Variants in VPS50 observed in about 807,000 individuals in gnomAD.
The protein encoded by VPS50 is syndetin.
VPS50 carries 70 observed loss-of-function variants against 139.7 expected under a neutral mutation model. The ratio of observed to expected loss-of-function variants is 0.50; its 90% CI spans 0.41 to 0.61. The LOEUF is 0.61. VPS50 is among the 20% of genes least tolerant of loss of function. The pLI is 0.00. For missense variants in VPS50, 921 were observed against 1,133.7 expected, an observed-to-expected ratio of 0.81 and a Z score of 2.69; for synonymous variants, 365 against 376.7, an observed-to-expected ratio of 0.97 and a Z score of 0.36.
In VPS50 at chr7:93,237,208, G is replaced by A. The variant is rs548693917; in HGVS notation, c.34-2658G>A. Among the ~76,000 whole-genome samples the A allele has an allele frequency of 9.4e-4, 142 of 150,318 alleles. 1 individual carries two copies. Among genetic ancestry groups the A allele is most frequent in the African/African-American group, 3.3e-3 (137 of 40,896 alleles). ...CCTGACCTCGTGATCCGCCCGCCTC[G>A]GCCTCCCAAAGTGCTGGGATTACAG... is the stretch of plus-strand genomic sequence containing the variant. On this transcript the variant is annotated intron_variant, in intron 1 of 27. Coordinates refer to ENST00000305866, the MANE Select transcript of VPS50 (RefSeq NM_017667.4).
At chr7:93,353,807 G>T (rs1798623898) in intron 26 of VPS50, 46 bp downstream of exon 26, 3 of 1,408,322 alleles carry the variant, frequency 2.1e-6, no homozygotes, top group Non-Finnish European at 3.0e-6. Context: ...ATGACAAATT[G>T]TAATATATGA....
chr7:93,269,190 T>C (rs1203449232), intron 9 of VPS50, among the ~76,000 whole-genome samples: 1 of 152,106 alleles, frequency 6.6e-6, no homozygotes, highest in East Asian at 1.9e-4. Context: ...AGCTATCCTT[T>C]TGGGGGAATT....
At chr7:93,303,642 A>G (rs892942997) in intron 17 of VPS50, 92 bp downstream of exon 17, 53 of 550,950 alleles carry the variant, frequency 9.6e-5, no homozygotes, top group Non-Finnish European at 1.6e-4. Flanking sequence ...ATATGAAAAC[A>G]TTTATAAAAT....
intron 24 of VPS50, among the ~76,000 whole-genome samples, chr7:93,349,655 GTCAATGGCT>G (rs1798502406): frequency 6.6e-6 from 1 of 152,180 alleles, no homozygotes; most frequent in Admixed American, 6.5e-5. Flanking sequence ...CAGTTGCAGT[GTCAATGGCT>G]TCAAGTTTAT....
chr7:93,311,645 C>CTTCT (rs1454013806), intron 20 of VPS50, among the ~76,000 whole-genome samples: 1 of 152,084 alleles, frequency 6.6e-6, no homozygotes, highest in Non-Finnish European at 1.5e-5. Flanking sequence ...TCTTTACCAT[C>CTTCT]TTCTGTCAGG....
chr7:93,337,471 A>G lies in VPS50; in HGVS notation c.2058+3274A>G, dbSNP rs564225459. ...GAGCCACCTCCCTGTTCTATCCCTA[A>G]TTAACTAGTTAGTACCTAAATTCAA... On this transcript the variant is annotated intron_variant, in intron 22 of 27. Transcript: ENST00000305866. Among the ~76,000 whole-genome samples the G allele has an allele frequency of 5.8e-3, 877 of 152,298 alleles. 9 individuals are homozygous for G. The highest frequency in any genetic ancestry group is 8.5e-3 in the Non-Finnish European group (576 of 68,024).
At position 93,308,765 on chromosome 7, in the gene VPS50, G is replaced by A. The variant is rs926788025; in HGVS notation, c.1630-59G>A. 8.5e-6 allele frequency: 7 copies of A among 820,862 alleles called. No individual in the cohort carries two copies. The Admixed American group carries it at 1.3e-4, about 16-fold the overall frequency. The allele number at this position is 820,862 out of a possible 1,614,324, so 50.8% of individuals were successfully genotyped here. ...AAACTGAGTACTTTCACTGTGTTGA[G>A]ACACCCCACGAAAAGAGGCCCTTTA... On this transcript the variant is annotated intron_variant, in intron 18 of 27. Transcript: ENST00000305866.
chr7:93,329,411 C>T (rs113227700), intron 21 of VPS50, among the ~76,000 whole-genome samples: 15 of 151,042 alleles, frequency 9.9e-5, no homozygotes, highest in South Asian at 6.3e-4. Flanking sequence ...AAGTGAAGAG[C>T]GTAAAAAAGG....
intron 3 of VPS50, among the ~76,000 whole-genome samples, 200 bp downstream of exon 3, chr7:93,252,975 C>T (rs974356399): frequency 2.6e-5 from 4 of 152,184 alleles, no homozygotes; most frequent in Non-Finnish European, 5.9e-5. Context: ...TAAATACAAC[C>T]GTTCAGGGAA....
chr7:93,316,737 A>G (rs1415022778), intron 20 of VPS50, among the ~76,000 whole-genome samples: 1 of 152,228 alleles, frequency 6.6e-6, no homozygotes, highest in East Asian at 1.9e-4. Flanking sequence ...GAAATAGTCT[A>G]TAGGTAGTTA....
chr7:93,345,207 G>T (rs1293442698), intron 23 of VPS50, among the ~76,000 whole-genome samples: 1 of 152,158 alleles, frequency 6.6e-6, no homozygotes, highest in Non-Finnish European at 1.5e-5. Flanking sequence ...ACACCTCTAC[G>T]CAAATAAACT....
rs867329563 is a variant in VPS50 at position 93,329,838 on chromosome 7, T to A, written c.1978-4279T>A. Among the ~76,000 whole-genome samples the A allele has an allele frequency of 7.9e-5, 12 of 152,148 alleles. No individual in the cohort carries two copies. The South Asian group carries it at 1.0e-3, about 13-fold the overall frequency. ...AATGAAAGTGAAATTAAGATACTTT[T>A]AGATAAAAAGAACAAAAATACTAAG... On this transcript the variant is annotated intron_variant, in intron 21 of 27. Transcript: ENST00000305866.
At position 93,236,416 on chromosome 7, in the gene VPS50, A is replaced by G. The variant is rs186742531; in HGVS notation, c.34-3450A>G. Among the ~76,000 whole-genome samples the G allele has an allele frequency of 3.9e-5, 6 of 152,332 alleles. No homozygotes were observed. In the East Asian group the frequency reaches 1.2e-3, roughly 29 times the overall value. The stretch of plus-strand genomic sequence containing the variant: ...TCATCACAGATGCTTCTTTGGATGG[A>G]TAAGACATAGTTGCTGGTTTCGTAA... On this transcript the variant is annotated intron_variant, in intron 1 of 27. Transcript: ENST00000305866.
intron 12 of VPS50, among the ~76,000 whole-genome samples, chr7:93,286,993 GTTTTTT>G (rs78030975): frequency 2.4e-5 from 3 of 123,774 alleles, no homozygotes; most frequent in African/African-American, 8.3e-5. Flanking sequence ...TGAAAACGTT[GTTTTTT>G]TTTTTTTTTT....
intron 17 of VPS50, 145 bp from the exon 18 acceptor site, chr7:93,305,683 G>A: frequency 1.5e-6 from 1 of 653,606 alleles, no homozygotes; most frequent in Non-Finnish European, 2.6e-6. Flanking sequence ...TGTGCTTTTA[G>A]ATAACTTGAA....
At chr7:93,289,553 A>C (rs1277857766) in intron 12 of VPS50, among the ~76,000 whole-genome samples, 1 of 151,976 alleles carries the variant, frequency 6.6e-6, no homozygotes, top group African/African-American at 2.4e-5. Flanking sequence ...TACTTTTATT[A>C]CTTGTAAATT....
intron 2 of VPS50, among the ~76,000 whole-genome samples, chr7:93,248,545 G>C (rs1795222406): frequency 6.6e-6 from 1 of 152,098 alleles, no homozygotes; most frequent in African/African-American, 2.4e-5. Context: ...TTTACTAAGA[G>C]TTGGTGGAAA....
rs145631150 is a variant in VPS50, at chr7:93,284,481, C to T, written c.943-7222C>T. ...AAGAACTTTTTATTTCACAATTTAA[C>T]GGGTGCTAGTTACTTAATTCCAAGT... On this transcript the variant is annotated intron_variant, in intron 12 of 27. Transcript: ENST00000305866. Among the ~76,000 whole-genome samples, 10 of 152,238 alleles carry T rather than the reference C, an allele frequency of 6.6e-5. No individual in the cohort carries two copies. In the East Asian group the frequency reaches 1.2e-3, roughly 18 times the overall value.
At chr7:93,245,015 T>G (rs1288295158) in intron 2 of VPS50, among the ~76,000 whole-genome samples, 1 of 151,788 alleles carries the variant, frequency 6.6e-6, no homozygotes, top group East Asian at 1.9e-4. Context: ...TACTAATCAT[T>G]GAAGATGCAG....
Sources: gnomAD v4.1 joint callset for allele counts (sites outside exome capture counted in the v4.1 genomes callset) on GRCh38, gnomAD v4.1.1 for gene constraint, MANE v1.5 for transcripts, NCBI Gene and HGNC (gene_info 2026-07-23, HGNC 2026-07-21) for gene names.